The following RABGAP1L variants were observed in gnomAD, a reference collection of about 807,000 sequenced individuals.
RABGAP1L encodes the protein rab GTPase-activating protein 1-like.
RABGAP1L carries 63 observed loss-of-function variants against 137.7 expected under a neutral mutation model. That is an observed-to-expected ratio of 0.46 (90% CI 0.37 to 0.56). The LOEUF is 0.56. Ranked by LOEUF, RABGAP1L falls within the 20% of genes least tolerant of loss-of-function variation. The pLI, the probability that RABGAP1L is intolerant of heterozygous loss-of-function variation, is 0.00. For synonymous variants in RABGAP1L, 431 were observed against 433.7 expected (o/e 0.99, Z 0.08); for missense variants, 1,095 against 1,244.0 (o/e 0.88, Z 1.80).
intron 11 of RABGAP1L, among the ~76,000 whole-genome samples, chr1:174,327,488 C>G (rs1435453458): frequency 6.6e-6 from 1 of 151,448 alleles, no homozygotes; most frequent in East Asian, 1.9e-4. Flanking sequence ...AAAGCAAAAC[C>G]TTTAATAAAT....
At chr1:174,512,064 A>G (rs895001058) in intron 13 of RABGAP1L, among the ~76,000 whole-genome samples, 3 of 152,252 alleles carry the variant, frequency 2.0e-5, no homozygotes, top group Non-Finnish European at 4.4e-5. Flanking sequence ...TTTGATCCAC[A>G]TAATGTATAG....
Position 174,448,427 on chromosome 1 carries a change from A to T in RABGAP1L, c.1710+54282A>T. On this transcript the variant is annotated intron_variant, in intron 13 of 25. Transcript: ENST00000681986. The surrounding 1 kb of genome is among the most constrained non-coding windows in gnomAD (Gnocchi z 4.2). ...TACTCTGTCACTTCTCCACTACTCC[A>T]CAGGTGTCCACGAGTCATTGACTTG... 1 of 1,613,174 alleles carries T rather than the reference A, an allele frequency of 6.2e-7. No homozygotes were observed. The highest frequency in any genetic ancestry group is 8.5e-7 in the Non-Finnish European group (1 of 1,179,182).
intron 13 of RABGAP1L, among the ~76,000 whole-genome samples, chr1:174,474,188 G>A (rs1658246659): frequency 6.6e-6 from 1 of 151,982 alleles, no homozygotes; most frequent in South Asian, 2.1e-4. Flanking sequence ...TACTTTCCAT[G>A]GAAATTATTT....
chr1:174,420,830 A>G (rs1396182817), intron 13 of RABGAP1L, among the ~76,000 whole-genome samples: 2 of 151,598 alleles, frequency 1.3e-5, no homozygotes, highest in East Asian at 1.9e-4. Context: ...GCCCGCCACC[A>G]CGCCCGGCTA....
intron 19 of RABGAP1L, among the ~76,000 whole-genome samples, chr1:174,953,035 CAAAAAAA>C (rs34788853): frequency 1.0e-5 from 1 of 97,362 alleles, no homozygotes; most frequent in Non-Finnish European, 2.2e-5. Flanking sequence ...GGGTGGCATG[CAAAAAAA>C]AAAAAAAAAA....
intron 11 of RABGAP1L, among the ~76,000 whole-genome samples, chr1:174,331,502 T>C (rs72713529): frequency 2.0e-5 from 3 of 152,300 alleles, no homozygotes; most frequent in Non-Finnish European, 4.4e-5. Context: ...TCTCCAAAGA[T>C]GACATACAAA....
Position 174,278,541 on chromosome 1 carries a change from G to A in RABGAP1L, c.1157-72G>A, listed in dbSNP as rs994173160. 1.0e-5 allele frequency: 12 copies of A among 1,205,368 alleles called. No homozygotes were observed. The African/African-American group carries it at 1.4e-4, about 14-fold the overall frequency. 74.7% of individuals were successfully genotyped at this position (1,205,368 alleles called of 1,614,324 possible). On this transcript the variant is annotated intron_variant, in intron 9 of 25. Coordinates refer to ENST00000681986, the MANE Select transcript of RABGAP1L (RefSeq NM_001366446.1). The stretch of plus-strand genomic sequence containing the variant: ...GTAAAGAACTTTAATTCTTTCATAA[G>A]TGAGGAAACTTTGTTTAAAGTAGAC...
chr1:174,984,161 C>G (rs956290443), intron 24 of RABGAP1L, among the ~76,000 whole-genome samples: 1 of 151,518 alleles, frequency 6.6e-6, no homozygotes, highest in Non-Finnish European at 1.5e-5. Context: ...AACCCATCCT[C>G]TAAGTTCCCT....
At chr1:174,167,886 G>A (rs1287448390) in intron 1 of RABGAP1L, among the ~76,000 whole-genome samples, 1 of 152,156 alleles carries the variant, frequency 6.6e-6, no homozygotes, top group Admixed American at 6.5e-5. Context: ...GCCTTTTGCT[G>A]AGAGCATTGT....
At chr1:174,282,738 T>C (rs370873011) in intron 10 of RABGAP1L, among the ~76,000 whole-genome samples, 1 of 152,222 alleles carries the variant, frequency 6.6e-6, no homozygotes, top group East Asian at 1.9e-4. Flanking sequence ...AAAGACTTTA[T>C]AGTTTCAGGC....
intron 7 of RABGAP1L, among the ~76,000 whole-genome samples, chr1:174,256,246 C>G (rs150909017): frequency 6.6e-6 from 1 of 152,136 alleles, no homozygotes; most frequent in East Asian, 1.9e-4. Context: ...TATAACATTG[C>G]CCATTTTTGG....
Position 174,278,636 on chromosome 1 carries a change from G to A in RABGAP1L, c.1180G>A (p.Ala394Thr). 1 of 1,612,976 alleles carries A rather than the reference G, an allele frequency of 6.2e-7. No individual in the cohort carries two copies. The highest frequency in any genetic ancestry group is 8.5e-7 in the Non-Finnish European group (1 of 1,179,480). Residue 394 changes from alanine (A) to threonine (T), a missense_variant, in exon 10 of 26, where the codon GCA becomes ACA. Ala to Thr is a moderately conservative substitution (Grantham distance 58). Transcript: ENST00000681986. The stretch of plus-strand genomic sequence containing the variant: ...AGATAAGCAAGTATACATGACTGTG[G>A]CAGTGGATATGGTAGTCACAGAGGT... ...PKDKQVYMTV[A>T]VDMVVTEVVE...
At chr1:174,522,087 A>G (rs1245059817) in intron 13 of RABGAP1L, among the ~76,000 whole-genome samples, 1 of 152,138 alleles carries the variant, frequency 6.6e-6, no homozygotes, top group Non-Finnish European at 1.5e-5. Context: ...TCAAAAAAAA[A>G]AAAAGTAGTA....
chr1:174,806,946 C>T (rs566252304), intron 18 of RABGAP1L, among the ~76,000 whole-genome samples: 19 of 152,160 alleles, frequency 1.2e-4, no homozygotes, highest in South Asian at 1.2e-3. Context: ...CCACTACGCC[C>T]GGCTAATTTT....
intron 21 of RABGAP1L, among the ~76,000 whole-genome samples, chr1:174,972,074 T>C (rs1670182033): frequency 6.6e-6 from 1 of 152,260 alleles, no homozygotes; most frequent in Admixed American, 6.5e-5. Flanking sequence ...TAAATAAAGA[T>C]TTCTCAGTGA....
chr1:174,833,466 A>ATATATATATATATATATATATATAT lies in RABGAP1L; in HGVS notation c.2340+21508_2340+21509insTATATATATATATATATATATATTA, dbSNP rs71117580. On this transcript the variant is annotated intron_variant, in intron 19 of 25. Transcript: ENST00000681986. ...TGTGTAGAGATATATATATATATAT[A>ATATATATATATATATATATATATAT]TAGTAGAGACAGGGTTCTGTCATGT... Among the ~76,000 whole-genome samples, 446 of 61,048 alleles carry ATATATATATATATATATATATATAT rather than the reference A, an allele frequency of 7.3e-3. 51 individuals carry two copies. The highest frequency in any genetic ancestry group is 0.013 in the Admixed American group (61 of 4,856). 40.0% of individuals were successfully genotyped at this position (61,048 alleles called of 152,430 possible).
At chr1:174,688,548 T>G (rs1159795831) in intron 15 of RABGAP1L, among the ~76,000 whole-genome samples, 1 of 152,134 alleles carries the variant, frequency 6.6e-6, no homozygotes, top group Non-Finnish European at 1.5e-5. Flanking sequence ...CCAGAAGTTT[T>G]GCTCCTAGAC....
intron 1 of RABGAP1L, among the ~76,000 whole-genome samples, chr1:174,197,663 G>A (rs1414671513): frequency 1.3e-5 from 2 of 152,104 alleles, no homozygotes; most frequent in East Asian, 3.9e-4. Context: ...GCCGGGCATT[G>A]GTTGCGGGCG....
chr1:174,512,621 G>A (rs973952221), intron 13 of RABGAP1L, among the ~76,000 whole-genome samples: 1 of 152,166 alleles, frequency 6.6e-6, no homozygotes, highest in Non-Finnish European at 1.5e-5. Flanking sequence ...TGACCACACT[G>A]TAAGCCTTCA....
Sources: gnomAD v4.1 joint callset for allele counts (sites outside exome capture counted in the v4.1 genomes callset) on GRCh38, gnomAD v4.1.1 for gene constraint, Gnocchi (gnomAD v3.1) non-coding constraint, MANE v1.5 for transcripts, NCBI Gene and HGNC (gene_info 2026-07-23, HGNC 2026-07-21) for gene names.